Variants in RPH3AL observed in about 807,000 individuals in gnomAD.
RPH3AL encodes the protein rab effector Noc2.
Under a neutral mutation model 43.1 loss-of-function variants are expected in RPH3AL, and 38 were observed. The ratio of observed to expected loss-of-function variants is 0.88; its 90% CI spans 0.68 to 1.15. RPH3AL has a LOEUF of 1.15. RPH3AL is among the 50% of genes most tolerant of loss of function. The probability of loss-of-function intolerance (pLI) is 0.00; values close to 1 mark genes in which losing one functional copy is unlikely to be tolerated. For synonymous variants in RPH3AL, 189 were observed against 176.3 expected, an observed-to-expected ratio of 1.07 and a Z score of -0.57; for missense variants, 462 against 423.2, an observed-to-expected ratio of 1.09 and a Z score of -0.81.
At chr17:252,945 G>A (rs1385994320) in intron 6 of RPH3AL, among the ~76,000 whole-genome samples, 2 of 152,162 alleles carry the variant, frequency 1.3e-5, no homozygotes, top group Non-Finnish European at 2.9e-5. Flanking sequence ...CTGCAGGGTC[G>A]AGAACTGTGT....
chr17:331,859 G>A, intron 2 of RPH3AL: 1 of 1,289,170 alleles, frequency 7.8e-7, no homozygotes, highest in East Asian at 5.5e-5. Context: ...CTGCGCCCTT[G>A]TACTCAGGTA....
chr17:334,022 T>C (rs936511616), intron 1 of RPH3AL, 88 bp from the exon 2 acceptor site: 2 of 152,418 alleles, frequency 1.3e-5, no homozygotes, highest in Non-Finnish European at 2.9e-5. Context: ...GGCTTCTATC[T>C]CCTTAACAGC....
chr17:343,108 G>A (rs1386665412), intron 1 of RPH3AL, among the ~76,000 whole-genome samples: 2 of 152,120 alleles, frequency 1.3e-5, no homozygotes, highest in Admixed American at 1.3e-4. Context: ...ACATTAGGAG[G>A]ACACAGACAA....
chr17:277,911 T>C (rs886882225), intron 6 of RPH3AL, among the ~76,000 whole-genome samples: 3 of 151,854 alleles, frequency 2.0e-5, no homozygotes, highest in African/African-American at 7.3e-5. Context: ...GCTGAGATCG[T>C]GGCACTGCCC....
chr17:264,932 A>T lies in RPH3AL; in HGVS notation c.438+16836T>A, dbSNP rs1351521165. On this transcript the variant is annotated intron_variant, in intron 6 of 9. Transcript: ENST00000331302. The surrounding 1 kb of genome is among the most constrained non-coding windows in gnomAD (Gnocchi z 4.8). ...GTACACATAACTGCAAAACATGAAAATGTATAAGAAATTATGCTTTGAAAG... is the reference window on the plus strand; with the variant it reads ...GTACACATAACTGCAAAACATGAAATTGTATAAGAAATTATGCTTTGAAAG... 6.6e-6 allele frequency among the ~76,000 whole-genome samples: 1 copy of T among 152,246 alleles called. No homozygotes were observed. Among genetic ancestry groups the T allele is most frequent in the Non-Finnish European group, 1.5e-5 (1 of 68,042 alleles).
chr17:257,268 G>A (rs868987460), intron 6 of RPH3AL, among the ~76,000 whole-genome samples: 1 of 21,030 alleles, frequency 4.8e-5, no homozygotes, highest in Non-Finnish European at 1.2e-4. Context: ...GCCGCACGGC[G>A]TCTGTCCTTT....
At chr17:314,502 C>A (rs1555518223) in intron 5 of RPH3AL, among the ~76,000 whole-genome samples, 1 of 150,476 alleles carries the variant, frequency 6.6e-6, no homozygotes, top group Non-Finnish European at 1.5e-5. Context: ...CCCTATACTC[C>A]ACGTCCATTG....
At chr17:229,722 G>A (rs866339950) in intron 7 of RPH3AL, among the ~76,000 whole-genome samples, 17 of 152,164 alleles carry the variant, frequency 1.1e-4, no homozygotes, top group Middle Eastern at 6.8e-3. Context: ...GAGAGTGCCC[G>A]GTTCACACAG....
At chr17:313,953 T>C (rs979734241) in intron 5 of RPH3AL, among the ~76,000 whole-genome samples, 1 of 152,000 alleles carries the variant, frequency 6.6e-6, no homozygotes, top group African/African-American at 2.4e-5. Flanking sequence ...TTCCCCGGCC[T>C]CATCACCCAA....
chr17:305,529 G>A (rs899279929), intron 5 of RPH3AL, among the ~76,000 whole-genome samples: 4 of 152,092 alleles, frequency 2.6e-5, no homozygotes, highest in Admixed American at 1.3e-4. Flanking sequence ...CTCCCACATC[G>A]GGTGACCTGA....
chr17:297,258 G>C (rs573503337), intron 5 of RPH3AL, among the ~76,000 whole-genome samples: 2 of 152,364 alleles, frequency 1.3e-5, no homozygotes, highest in South Asian at 4.1e-4. Flanking sequence ...CGGCTGCCTT[G>C]TTCATCTGTG....
In RPH3AL at chr17:298,884, G is replaced by A. The variant is rs533010835; in HGVS notation, c.352-17030C>T. ...AGAACGGAGCTCCAAGGAGGGGGACGGCAGGTCGGGGCCGGGGGAGCCAGG... is the reference window on the plus strand; with the variant it reads ...AGAACGGAGCTCCAAGGAGGGGGACAGCAGGTCGGGGCCGGGGGAGCCAGG... On this transcript the variant is annotated intron_variant, in intron 5 of 9. Transcript: ENST00000331302. Among the ~76,000 whole-genome samples, 36 of 152,130 alleles carry A rather than the reference G, an allele frequency of 2.4e-4. No individual in the cohort carries two copies. In the South Asian group the frequency reaches 4.8e-3, roughly 20 times the overall value.
chr17:272,978 C>CG lies in RPH3AL; in HGVS notation c.438+8789_438+8790insC, dbSNP rs1567604385. 1.4e-3 allele frequency among the ~76,000 whole-genome samples: 141 copies of CG among 101,966 alleles called. 14 individuals carry two copies. Among genetic ancestry groups the CG allele is most frequent in the East Asian group, 5.1e-3 (16 of 3,150 alleles). 66.9% of individuals were successfully genotyped at this position (101,966 alleles called of 152,430 possible). On this transcript the variant is annotated intron_variant, in intron 6 of 9. Coordinates refer to ENST00000331302, the MANE Select transcript of RPH3AL (RefSeq NM_006987.4). ...GGGCTACGTCAGGGTGAGACCCCAG[C>CG]AAGGGCTACGTCAGGGTGAGACCCC...
intron 5 of RPH3AL, among the ~76,000 whole-genome samples, chr17:310,818 C>G (rs371998842): frequency 6.6e-6 from 1 of 152,196 alleles, no homozygotes; most frequent in Non-Finnish European, 1.5e-5. Flanking sequence ...CTCCCAGACA[C>G]GAGAGAGCCC....
At chr17:303,077 T>C (rs1459663505) in intron 5 of RPH3AL, among the ~76,000 whole-genome samples, 1 of 152,190 alleles carries the variant, frequency 6.6e-6, no homozygotes, top group Non-Finnish European at 1.5e-5. Context: ...GGAGATAAAG[T>C]CTGAGGTTTA....
chr17:298,562 A>G (rs1410872936), intron 5 of RPH3AL, among the ~76,000 whole-genome samples: 2 of 151,510 alleles, frequency 1.3e-5, no homozygotes, highest in Non-Finnish European at 2.9e-5. Flanking sequence ...AAAATTAGCC[A>G]GGCATGGAGG....
At chr17:306,268 C>T (rs1397668066) in intron 5 of RPH3AL, 2 of 152,474 alleles carry the variant, frequency 1.3e-5, no homozygotes, top group Non-Finnish European at 2.9e-5. Flanking sequence ...CCCCACGAGC[C>T]CCTTCCCCAC....
At chr17:234,686 A>G (rs1421322106) in intron 7 of RPH3AL, 1 of 153,840 alleles carries the variant, frequency 6.5e-6, no homozygotes, top group African/African-American at 2.4e-5. Flanking sequence ...CCCGGTGTGT[A>G]CAACACACAC....
chr17:281,854 T>C lies in RPH3AL; in HGVS notation c.352A>G (p.Lys118Glu). 6.2e-7 allele frequency: 1 copy of C among 1,613,424 alleles called. No individual in the cohort carries two copies. The highest frequency in any genetic ancestry group is 1.7e-5 in the Admixed American group (1 of 60,022). ...SSVFCKDCRK[K>E]VCTKCGIEAS... ...TCGATCCCACATTTGGTGCAGACTTTCTACAAGAGAGAGGACATGGGGTTG... is the reference window on the plus strand; with the variant it reads ...TCGATCCCACATTTGGTGCAGACTTCCTACAAGAGAGAGGACATGGGGTTG... Residue 118 changes from lysine to glutamate, a missense_variant and splice_region_variant, in exon 6 of 10, where the codon AAA (lysine) becomes GAA (glutamate). By Grantham distance (56) the Lys-to-Glu change is moderately conservative. Transcript: ENST00000331302.
Sources: gnomAD v4.1 joint callset for allele counts (sites outside exome capture counted in the v4.1 genomes callset) on GRCh38, gnomAD v4.1.1 for gene constraint, Gnocchi (gnomAD v3.1) non-coding constraint, MANE v1.5 for transcripts, NCBI Gene and HGNC (gene_info 2026-07-23, HGNC 2026-07-21) for gene names.